Variants in MGAT4C observed in about 807,000 individuals in gnomAD.
MGAT4C encodes alpha-1,3-mannosyl-glycoprotein 4-beta-N-acetylglucosaminyltransferase C.
MGAT4C carries 19 observed loss-of-function variants against 40.1 expected under a neutral mutation model. The observed-to-expected ratio is 0.47, with a 90% CI of 0.33 to 0.70. MGAT4C has a LOEUF of 0.70. Ranked by LOEUF, MGAT4C falls within the 30% of genes least tolerant of loss-of-function variation. The pLI, the probability that MGAT4C is intolerant of heterozygous loss-of-function variation, is 0.02. For missense variants in MGAT4C, 491 were observed against 563.2 expected (o/e 0.87, Z 1.30); for synonymous variants, 181 against 187.1 (o/e 0.97, Z 0.27).
At position 86,102,423 on chromosome 12, in the gene MGAT4C, G is replaced by A. The variant is rs1239254175; in HGVS notation, c.-56-52700C>T. On this transcript the variant is annotated intron_variant, in intron 1 of 4. Coordinates refer to ENST00000611864, the MANE Select transcript of MGAT4C (RefSeq NM_001351288.2). ...TTAATCTAGTGAAAACAAAACAAAC[G>A]AAAAGCACAGAAAGTGTATTTACCT... Among the ~76,000 whole-genome samples, 5 of 151,716 alleles carry A rather than the reference G, an allele frequency of 3.3e-5. No individual in the cohort carries two copies. In the South Asian group the frequency reaches 8.3e-4, roughly 25 times the overall value.
intron 1 of MGAT4C, among the ~76,000 whole-genome samples, chr12:86,191,678 T>C (rs991172145): frequency 5.2e-5 from 7 of 135,918 alleles, no homozygotes; most frequent in Non-Finnish European, 1.1e-4. Flanking sequence ...CACACACCCT[T>C]ATCTCCTGTA....
Position 86,357,300 on chromosome 12 carries a change from C to T in MGAT4C, c.-119-23173G>A, listed in dbSNP as rs1007198544. Among the ~76,000 whole-genome samples the T allele has an allele frequency of 6.5e-4, 99 of 152,084 alleles. 1 individual carries two copies. The highest frequency in any genetic ancestry group is 2.1e-3 in the African/African-American group (85 of 41,418). On this transcript the variant is annotated intron_variant, in intron 3 of 7. Transcript: ENST00000548651. ...GAAAACTAACAAACAGAAAGGACAT[C>T]CACACCAAAACCCCATCTGTACGTC...
intron 2 of MGAT4C, among the ~76,000 whole-genome samples, chr12:86,694,539 T>A (rs2136603269): frequency 6.6e-6 from 1 of 152,264 alleles, no homozygotes; most frequent in Non-Finnish European, 1.5e-5. Context: ...TTGATGTATT[T>A]TTTCCTTGAT....
intron 2 of MGAT4C, among the ~76,000 whole-genome samples, chr12:86,436,499 T>G (rs2136273974): frequency 6.6e-6 from 1 of 151,860 alleles, no homozygotes; most frequent in South Asian, 2.1e-4. Context: ...TATTATTATG[T>G]AACAATTGTC....
chr12:86,392,288 A>G (rs1436552975), intron 3 of MGAT4C, among the ~76,000 whole-genome samples: 2 of 152,158 alleles, frequency 1.3e-5, no homozygotes, highest in Admixed American at 6.5e-5. Context: ...CCTGGCCAAC[A>G]TGGTTAAACT....
intron 3 of MGAT4C, among the ~76,000 whole-genome samples, chr12:86,349,144 C>T (rs1246226462): frequency 6.6e-6 from 1 of 152,120 alleles, no homozygotes; most frequent in South Asian, 2.1e-4. Flanking sequence ...TCCTTGAAAT[C>T]TTATTGTAAA....
intron 1 of MGAT4C, among the ~76,000 whole-genome samples, chr12:86,767,046 CA>C (rs1391070735): frequency 2.0e-5 from 3 of 151,926 alleles, no homozygotes; most frequent in East Asian, 1.9e-4. Context: ...AATAAAGACA[CA>C]AAAAACCCTT....
chr12:86,193,529 G>GA (rs1027392513), intron 1 of MGAT4C, among the ~76,000 whole-genome samples: 1 of 151,766 alleles, frequency 6.6e-6, no homozygotes, highest in Non-Finnish European at 1.5e-5. Context: ...TCCTTTGCAG[G>GA]AAAAAAACTC....
At chr12:86,798,545 T>G (rs1171801028) in intron 1 of MGAT4C, among the ~76,000 whole-genome samples, 1 of 151,994 alleles carries the variant, frequency 6.6e-6, no homozygotes, top group Non-Finnish European at 1.5e-5. Flanking sequence ...TAAGAGAGTC[T>G]TCTGTAATAT....
intron 1 of MGAT4C, among the ~76,000 whole-genome samples, chr12:86,784,269 T>C (rs1202673970): frequency 1.3e-5 from 2 of 151,932 alleles, no homozygotes; most frequent in Non-Finnish European, 1.5e-5. Context: ...AGATATGGAG[T>C]GATGCATGAT....
chr12:86,032,982 T>C lies in MGAT4C; in HGVS notation c.-7+16692A>G, dbSNP rs1890897728. ...GTGTCTATATTTAGTTTTTGAAATA[T>C]GGCTAGCTAGTTATCCCAGAACCAT... On this transcript the variant is annotated intron_variant, in intron 2 of 4. Transcript: ENST00000611864. 1.3e-5 allele frequency among the ~76,000 whole-genome samples: 2 copies of C among 149,906 alleles called. 1 individual carries two copies. The highest frequency in any genetic ancestry group is 3.0e-5 in the Non-Finnish European group (2 of 66,810).
intron 1 of MGAT4C, among the ~76,000 whole-genome samples, chr12:86,104,165 G>A (rs1213826092): frequency 2.0e-5 from 3 of 151,610 alleles, no homozygotes; most frequent in Non-Finnish European, 4.4e-5. Flanking sequence ...TCTAAAGCCT[G>A]TAATCTCAGC....
rs563184415 is a variant in MGAT4C at position 85,973,164 on chromosome 12, G to A, written c.*6125C>T. On this transcript the variant is annotated 3_prime_UTR_variant, in exon 5 of 5. Transcript: ENST00000611864. ...TACTTTTGGTACCTTCATAATAAAC[G>A]GTAAAGTGAGGGAAAGGGTGGAAGA... is the stretch of plus-strand genomic sequence containing the variant. The A allele has an allele frequency of 2.7e-5, 4 of 150,790 alleles. No homozygotes were observed. Among genetic ancestry groups the A allele is most frequent in the South Asian group, 2.1e-4 (1 of 4,802 alleles). The allele number at this position is 150,790 out of a possible 1,614,324, so 9.3% of individuals were successfully genotyped here.
intron 2 of MGAT4C, among the ~76,000 whole-genome samples, chr12:86,035,160 A>G (rs1340229647): frequency 6.7e-6 from 1 of 150,014 alleles, no homozygotes; most frequent in East Asian, 1.9e-4. Flanking sequence ...CTCTTCCACA[A>G]TGGTTGAACT....
chr12:86,353,238 A>G (rs1955217045), intron 3 of MGAT4C, among the ~76,000 whole-genome samples: 1 of 152,022 alleles, frequency 6.6e-6, no homozygotes, highest in African/African-American at 2.4e-5. Context: ...TTTAAAATGT[A>G]TGATAGGAAT....
chr12:86,443,203 TATACAC>T (rs894706892), intron 2 of MGAT4C, among the ~76,000 whole-genome samples: 5 of 150,038 alleles, frequency 3.3e-5, no homozygotes, highest in African/African-American at 1.2e-4. Context: ...TGTGTATATA[TATACAC>T]ACACACACAC....
chr12:86,483,995 G>C (rs912267707), intron 2 of MGAT4C, among the ~76,000 whole-genome samples: 2 of 151,880 alleles, frequency 1.3e-5, no homozygotes, highest in Non-Finnish European at 2.9e-5. Flanking sequence ...ATGAAATCTT[G>C]TGCAGGGTTG....
At position 86,769,579 on chromosome 12, in the gene MGAT4C, A is replaced by G. The variant is rs536401669; in HGVS notation, c.-261-42338T>C. 3.3e-4 allele frequency among the ~76,000 whole-genome samples: 51 copies of G among 152,284 alleles called. 1 individual carries two copies. In the South Asian group the frequency reaches 8.9e-3, roughly 27 times the overall value. On this transcript the variant is annotated intron_variant, in intron 1 of 7. Coordinates refer to the MGAT4C transcript ENST00000548651. ...ACATATGCACACGTATGTTTATTGC[A>G]GCACTATTCACAATAGCAAAGACTT...
chr12:86,348,320 ATTT>A (rs1236991391), intron 3 of MGAT4C, among the ~76,000 whole-genome samples: 1 of 151,894 alleles, frequency 6.6e-6, no homozygotes, highest in Non-Finnish European at 1.5e-5. Context: ...AATAGAATTC[ATTT>A]TTCTTTTTAA....
Sources: gnomAD v4.1 joint callset for allele counts (sites outside exome capture counted in the v4.1 genomes callset) on GRCh38, gnomAD v4.1.1 for gene constraint, MANE v1.5 for transcripts, NCBI Gene and HGNC (gene_info 2026-07-23, HGNC 2026-07-21) for gene names.